THBS2: variants seen among roughly 807,000 people sequenced by gnomAD.
THBS2 encodes thrombospondin-2.
Under a neutral mutation model 135.2 loss-of-function variants are expected in THBS2, and 47 were observed. The ratio of observed to expected loss-of-function variants is 0.35; its 90% CI spans 0.28 to 0.44. The LOEUF is 0.44. THBS2 is among the 20% of genes least tolerant of loss of function. The pLI, the probability that THBS2 is intolerant of heterozygous loss-of-function variation, is 1.00. For synonymous variants in THBS2, 639 were observed against 633.8 expected, an observed-to-expected ratio of 1.01 and a Z score of -0.12; for missense variants, 1,288 against 1,603.1, an observed-to-expected ratio of 0.80 and a Z score of 3.36.
chr6:169,233,051 G>C, intron 10 of THBS2, 34 bp from the exon 11 acceptor site: 1 of 1,496,818 alleles, frequency 6.7e-7, no homozygotes, highest in Non-Finnish European at 8.9e-7. Flanking sequence ...AGTTCACCAC[G>C]CGCCCTGCGC....
intron 19 of THBS2, 115 bp from the exon 20 acceptor site, chr6:169,221,642 A>G (rs1779434205): frequency 1.2e-6 from 1 of 806,610 alleles, no homozygotes. Context: ...CTTAAGGCTC[A>G]TGGTGCTCCA....
intron 7 of THBS2, among the ~76,000 whole-genome samples, chr6:169,238,634 A>G (rs1780190060): frequency 6.6e-6 from 1 of 152,248 alleles, no homozygotes; most frequent in African/African-American, 2.4e-5. Flanking sequence ...TAATTATAAG[A>G]CTAACTGTAT....
chr6:169,232,210 AG>A lies in THBS2; in HGVS notation c.1933-13del, dbSNP rs145532758. ...TCGGGCTCACACACCTACGGGGAGA[AG>A]GGCTGCGGGGTTAGCGACAGGCAGG... is the stretch of plus-strand genomic sequence containing the variant. On this transcript the variant is annotated splice_polypyrimidine_tract_variant and intron_variant, in intron 12 of 21. Coordinates refer to ENST00000617924, the MANE Select transcript of THBS2 (RefSeq NM_003247.5). 0.13 allele frequency: 209,051 copies of A among 1,612,590 alleles called. 14,990 individuals are homozygous for A. The highest frequency in any genetic ancestry group is 0.15 in the Non-Finnish European group (173,617 of 1,179,712).
rs762832842 is a variant in THBS2, at chr6:169,223,493, G to A, written c.2774-18C>T. The stretch of plus-strand genomic sequence containing the variant: ...TCCATCACCTATGCACAAAGAACAA[G>A]CAAAAACAAAAACAAAAACAAAGAA... On this transcript the variant is annotated intron_variant, in intron 17 of 21. Transcript: ENST00000617924. 1 of 1,600,038 alleles carries A rather than the reference G, an allele frequency of 6.2e-7. No individual in the cohort carries two copies. The highest frequency in any genetic ancestry group is 1.1e-5 in the South Asian group (1 of 89,850).
At chr6:169,236,369 TCACTCCCATCCA>T (rs1780071725) in intron 9 of THBS2, among the ~76,000 whole-genome samples, 2 of 44,558 alleles carry the variant, frequency 4.5e-5, no homozygotes, top group Admixed American at 3.4e-4. Context: ...CCATCCACAC[TCACTCCCATCCA>T]CACTCCCCAT....
chr6:169,246,346 A>C (rs964351413), intron 3 of THBS2, 65 bp from the exon 4 acceptor site: 3 of 1,293,658 alleles, frequency 2.3e-6, no homozygotes, highest in South Asian at 1.2e-5. Context: ...ATGCCAAGCT[A>C]ACTGACATTC....
chr6:169,219,047 GGATGA>G (rs1779313489), intron 21 of THBS2, among the ~76,000 whole-genome samples: 2 of 150,460 alleles, frequency 1.3e-5, no homozygotes, highest in South Asian at 4.3e-4. Context: ...GTAGGTGGGT[GGATGA>G]GATGGATGGA....
Position 169,241,512 on chromosome 6 carries a change from T to C in THBS2, c.891+250A>G, listed in dbSNP as rs1277954536. On this transcript the variant is annotated intron_variant, in intron 5 of 21. Transcript: ENST00000617924. This position sits in a 1 kb window ranked among gnomAD's most constrained non-coding sequence, Gnocchi z 5.5. Reference sequence around the variant, plus strand: ...TAAATTTCCCAAAATTAAGAATTTATTTTGGAGACTGTGCCCAGGACTGTT... The same window carrying C: ...TAAATTTCCCAAAATTAAGAATTTACTTTGGAGACTGTGCCCAGGACTGTT... Among the ~76,000 whole-genome samples, 3 of 152,144 alleles carry C rather than the reference T, an allele frequency of 2.0e-5. No homozygotes were observed. Among genetic ancestry groups the C allele is most frequent in the Admixed American group, 1.3e-4 (2 of 15,282 alleles).
rs745491202 is a variant in THBS2, at chr6:169,216,657, C to T, written c.*1165G>A. ...TTCTCTATGTATTCTGTTACAGCTT[C>T]TAGCATGCTTCATCGTGACAACCTA... On this transcript the variant is annotated 3_prime_UTR_variant, in exon 22 of 22. Transcript: ENST00000617924. 1 of 151,894 alleles carries T rather than the reference C, an allele frequency of 6.6e-6. No homozygotes were observed. Among genetic ancestry groups the T allele is most frequent in the Non-Finnish European group, 1.5e-5 (1 of 67,948 alleles). 9.4% of individuals were successfully genotyped at this position (151,894 alleles called of 1,614,324 possible).
intron 14 of THBS2, among the ~76,000 whole-genome samples, chr6:169,229,201 A>G (rs1336913004): frequency 1.3e-5 from 2 of 152,182 alleles, no homozygotes; most frequent in African/African-American, 2.4e-5. Flanking sequence ...GTTTGCAGCA[A>G]TTTTCTTAGA....
chr6:169,245,208 C>T (rs1001240888), intron 4 of THBS2, among the ~76,000 whole-genome samples: 34 of 152,188 alleles, frequency 2.2e-4, no homozygotes, highest in Admixed American at 2.2e-3. Flanking sequence ...CACTGGGGAG[C>T]TCAACATGGC....
At chr6:169,235,225 T>G (rs906724001) in intron 9 of THBS2, among the ~76,000 whole-genome samples, 23 of 151,990 alleles carry the variant, frequency 1.5e-4, no homozygotes, top group African/African-American at 5.3e-4. Context: ...TCTCGCTATG[T>G]TGCCCAGGCT....
chr6:169,242,718 TTCCCACCTTCCCACCTTCCCACCGC>T (rs1378580216), intron 4 of THBS2, among the ~76,000 whole-genome samples: 1 of 61,460 alleles, frequency 1.6e-5, no homozygotes, highest in African/African-American at 6.8e-5. Context: ...CACTCCCACC[TTCCCACCTTCCCACCTTCCCACCGC>T]TCCCACCTTC....
Position 169,217,833 on chromosome 6 carries a change from CA to C in THBS2, c.3512-5del. The C allele has an allele frequency of 6.5e-7, 1 of 1,531,510 alleles. No homozygotes were observed. 94.9% of individuals were successfully genotyped at this position (1,531,510 alleles called of 1,614,324 possible). A position where few individuals can be genotyped will look rare whatever the true frequency, so the allele number is the denominator to read the frequency against. On this transcript the variant is annotated splice_region_variant and splice_polypyrimidine_tract_variant and intron_variant, in intron 21 of 21. Coordinates refer to ENST00000617924, the MANE Select transcript of THBS2 (RefSeq NM_003247.5). Reference sequence around the variant, plus strand: ...GCAGCAAATCTTGTTTAAATATCTACAAAAAGAAAAAAAAAAGCAATAAACA... The same window carrying C: ...GCAGCAAATCTTGTTTAAATATCTACAAAAGAAAAAAAAAAGCAATAAACA...
intron 3 of THBS2, among the ~76,000 whole-genome samples, chr6:169,247,806 G>A (rs1477193881): frequency 6.6e-6 from 1 of 151,636 alleles, no homozygotes; most frequent in Non-Finnish European, 1.5e-5. Flanking sequence ...GTGAATGTGA[G>A]TGCATGCATG....
intron 3 of THBS2, among the ~76,000 whole-genome samples, chr6:169,247,268 G>A (rs1238297500): frequency 6.6e-6 from 1 of 152,134 alleles, no homozygotes; most frequent in Non-Finnish European, 1.5e-5. Flanking sequence ...TGTATGTGGT[G>A]TTTGCATGTG....
In THBS2 at chr6:169,241,925, G is replaced by A. The variant is rs772559879; in HGVS notation, c.728C>T (p.Thr243Met). 14 of 1,611,342 alleles carry A rather than the reference G, an allele frequency of 8.7e-6. No homozygotes were observed. Among genetic ancestry groups the A allele is most frequent in the South Asian group, 4.4e-5 (4 of 91,058 alleles). ...GGTGACATGCGGACCCAGGCGCAGCGTCTCTGTGTTCTCACTGATGGCGTT... is the reference window on the plus strand; with the variant it reads ...GGTGACATGCGGACCCAGGCGCAGCATCTCTGTGTTCTCACTGATGGCGTT... ...EINAISENTE[T>M]LRLGPHVTTE... Residue 243 changes from threonine (T) to methionine (M), a missense_variant, in exon 5 of 22, where the codon ACG (threonine) becomes ATG (methionine). Thr to Met is a moderately conservative substitution (Grantham distance 81, BLOSUM62 -1). Transcript: ENST00000617924. This position sits in a 1 kb window ranked among gnomAD's most constrained non-coding sequence, Gnocchi z 5.5.
At position 169,237,269 on chromosome 6, in the gene THBS2, G is replaced by A; in HGVS notation, c.1378C>T (p.Arg460Cys). 5.0e-6 allele frequency: 8 copies of A among 1,613,508 alleles called. No homozygotes were observed. Among genetic ancestry groups the A allele is most frequent in the Non-Finnish European group, 5.9e-6 (7 of 1,180,020 alleles). The change falls in exon 9 of 22, where the codon CGC (arginine) becomes TGC (cysteine). Residue 460 changes from arginine to cysteine, a missense_variant. Arg to Cys is a radical substitution (Grantham distance 180, BLOSUM62 -3). Around this residue, in one of 2 missense-constraint regions of THBS2, gnomAD observed 874 missense variants for 1,156.1 expected, o/e 0.76. Transcript: ENST00000617924. ...ACTGGGGAGTTGCAGAGACGGATGCGTGTGATATTGCCAACTCCACAGGTC... is the reference window on the plus strand; with the variant it reads ...ACTGGGGAGTTGCAGAGACGGATGCATGTGATATTGCCAACTCCACAGGTC... ...SVTCGVGNIT[R>C]IRLCNSPVPQ...
At chr6:169,248,044 CGT>C (rs1780613907) in intron 3 of THBS2, among the ~76,000 whole-genome samples, 1 of 127,290 alleles carries the variant, frequency 7.9e-6, no homozygotes, top group Admixed American at 7.7e-5. Context: ...TGTGTGTGTG[CGT>C]GTCTGTGTGT....
Sources: allele counts gnomAD v4.1 joint callset (sites outside exome capture counted in the v4.1 genomes callset), GRCh38; gene constraint gnomAD v4.1.1; regional missense constraint gnomAD v4.1.1; non-coding constraint Gnocchi (gnomAD v3.1); transcripts MANE v1.5; gene names NCBI Gene and HGNC (gene_info 2026-07-23, HGNC 2026-07-21).